SMOX: variants seen among roughly 807,000 people sequenced by gnomAD.
SMOX encodes the protein spermine oxidase.
SMOX carries 22 observed loss-of-function variants against 51.0 expected under a neutral mutation model. The observed-to-expected ratio is 0.43, with a 90% CI of 0.31 to 0.62. The LOEUF is 0.62. Ranked by LOEUF, SMOX falls within the 20% of genes least tolerant of loss-of-function variation. SMOX has a pLI of 0.10. For synonymous variants in SMOX, 282 were observed against 307.8 expected, an observed-to-expected ratio of 0.92 and a Z score of 0.88; for missense variants, 566 against 777.7, an observed-to-expected ratio of 0.73 and a Z score of 3.24.
At position 4,182,586 on chromosome 20, in the gene SMOX, T is replaced by G. The variant is rs1317081399; in HGVS notation, c.1107T>G (p.Phe369Leu). ...GCATTGGCACCACCGACAAGATCTTTCTGGAATTCGAGGAGCCCTTCTGGG... is the reference window on the plus strand; with the variant it reads ...GCATTGGCACCACCGACAAGATCTTGCTGGAATTCGAGGAGCCCTTCTGGG... ...RLGIGTTDKI[F>L]LEFEEPFWGP... Residue 369 changes from phenylalanine to leucine, a missense_variant, in exon 5 of 7, where the codon TTT becomes TTG. Phe to Leu is a conservative substitution (Grantham distance 22, BLOSUM62 0). Around this residue, in one of 3 missense-constraint regions of SMOX, gnomAD observed 347 missense variants for 481.8 expected, o/e 0.72. Transcript: ENST00000305958. This position sits in a 1 kb window ranked among gnomAD's most constrained non-coding sequence, Gnocchi z 8.4. The G allele has an allele frequency of 6.2e-6, 10 of 1,613,776 alleles. No homozygotes were observed. The Admixed American group carries it at 1.7e-4, about 27-fold the overall frequency.
chr20:4,178,644 A>T (rs973078808), intron 3 of SMOX, among the ~76,000 whole-genome samples: 1 of 151,690 alleles, frequency 6.6e-6, no homozygotes, highest in African/African-American at 2.4e-5. Flanking sequence ...TAATTTGGCC[A>T]GCAAACACCT....
chr20:4,150,269 A>G (rs1277469393), intron 1 of SMOX, among the ~76,000 whole-genome samples: 1 of 152,126 alleles, frequency 6.6e-6, no homozygotes, highest in African/African-American at 2.4e-5. Context: ...CCTTCAGAGC[A>G]CAGCTCTTCC....
intron 1 of SMOX, among the ~76,000 whole-genome samples, chr20:4,152,180 G>T (rs1331131831): frequency 6.6e-6 from 1 of 152,150 alleles, no homozygotes. Flanking sequence ...TGGGGTAAAT[G>T]ATTTCCTTTG....
intron 1 of SMOX, among the ~76,000 whole-genome samples, chr20:4,165,875 G>A (rs1310457684): frequency 6.6e-6 from 1 of 152,210 alleles, no homozygotes; most frequent in East Asian, 1.9e-4. Flanking sequence ...GGGGCATGGA[G>A]CTTGCCTACC....
Position 4,181,478 on chromosome 20 carries a change from G to T in SMOX, c.436-325G>T, listed in dbSNP as rs1232197042. ...CCAGTGGGAGGTGGAGCCCATGGAG[G>T]CCCATGCAGAGTCCATGAGGGGTGG... is the stretch of plus-strand genomic sequence containing the variant. On this transcript the variant is annotated intron_variant, in intron 3 of 6. Coordinates refer to ENST00000305958, the MANE Select transcript of SMOX (RefSeq NM_175839.3). This position sits in a 1 kb window ranked among gnomAD's most constrained non-coding sequence, Gnocchi z 5.6. Among the ~76,000 whole-genome samples the T allele has an allele frequency of 1.3e-5, 2 of 152,218 alleles. No homozygotes were observed. Among genetic ancestry groups the T allele is most frequent in the Non-Finnish European group, 2.9e-5 (2 of 68,028 alleles).
At chr20:4,186,689 C>A in intron 6 of SMOX, 1 of 773,926 alleles carries the variant, frequency 1.3e-6, no homozygotes. Flanking sequence ...ACACCCATTC[C>A]ATCACATATG....
Position 4,187,531 on chromosome 20 carries a change from C to A in SMOX, c.*124C>A, listed in dbSNP as rs1979838202. 2 of 1,404,030 alleles carry A rather than the reference C, an allele frequency of 1.4e-6. No individual in the cohort carries two copies. Among genetic ancestry groups the A allele is most frequent in the South Asian group, 2.8e-5 (2 of 72,440 alleles). The allele number at this position is 1,404,030 out of a possible 1,614,324, so 87.0% of individuals were successfully genotyped here. The stretch of plus-strand genomic sequence containing the variant: ...TTTTTATCTTCTGTAGAGCTAGCCG[C>A]CCTGACTGCCTTCAGACCTGGCCCT... On this transcript the variant is annotated 3_prime_UTR_variant, in exon 7 of 7. Transcript: ENST00000305958. This position sits in a 1 kb window ranked among gnomAD's most constrained non-coding sequence, Gnocchi z 4.8.
Position 4,182,451 on chromosome 20 carries a change from G to A in SMOX, c.972G>A (p.Pro324=), listed in dbSNP as rs1979408904. The stretch of plus-strand genomic sequence containing the variant: ...AGTGCGAGGACTGTGAGCTGATCCC[G>A]GCGGACCATGTGATTGTGACCGTGT... The part of the protein sequence containing the change: ...VVECEDCELI[P]ADHVIVTVSL... Residue 324 remains proline (P), a synonymous_variant, in exon 5 of 7, where the codon CCG becomes CCA. Transcript: ENST00000305958. This position sits in a 1 kb window ranked among gnomAD's most constrained non-coding sequence, Gnocchi z 8.4. 5.6e-6 allele frequency: 9 copies of A among 1,600,186 alleles called. No homozygotes were observed. Among genetic ancestry groups the A allele is most frequent in the South Asian group, 1.1e-5 (1 of 88,136 alleles).
chr20:4,173,180 T>A (rs1050415283), intron 1 of SMOX, among the ~76,000 whole-genome samples: 1 of 152,146 alleles, frequency 6.6e-6, no homozygotes, highest in African/African-American at 2.4e-5. Context: ...CCCTTCAGAT[T>A]AAGATATTTA....
At chr20:4,159,056 T>C (rs1017784427) in intron 1 of SMOX, among the ~76,000 whole-genome samples, 52 of 151,956 alleles carry the variant, frequency 3.4e-4, no homozygotes, top group African/African-American at 1.2e-3. Flanking sequence ...ACCTTGAGAG[T>C]TAATCTGAAA....
At chr20:4,152,333 G>A (rs1985803359) in intron 1 of SMOX, among the ~76,000 whole-genome samples, 1 of 152,102 alleles carries the variant, frequency 6.6e-6, no homozygotes, top group African/African-American at 2.4e-5. Context: ...GTGACTGCTG[G>A]GTACCCAGCC....
rs147947595 is a variant in SMOX at position 4,181,941 on chromosome 20, C to T, written c.574C>T (p.Arg192Cys). ...CCCTGACGACCCAGAGGCTACCAAG[C>T]GCCTGAAGCTCGCCATGATCCAGCA... ...NDPDDPEATK[R>C]LKLAMIQQYL... is the part of the protein sequence containing the mutation. The change falls in exon 4 of 7, where the codon CGC becomes TGC. Residue 192 changes from arginine to cysteine, a missense_variant. Arg to Cys is a radical substitution (Grantham distance 180). This residue lies in a region of SMOX where 217 missense variants were observed against 278.4 expected (regional missense o/e 0.78). Transcript: ENST00000305958. This position sits in a 1 kb window ranked among gnomAD's most constrained non-coding sequence, Gnocchi z 5.6. The T allele has an allele frequency of 3.1e-6, 5 of 1,613,956 alleles. No homozygotes were observed. Among genetic ancestry groups the T allele is most frequent in the South Asian group, 1.1e-5 (1 of 91,078 alleles).
At chr20:4,154,020 T>A (rs1336747576) in intron 1 of SMOX, among the ~76,000 whole-genome samples, 1 of 152,158 alleles carries the variant, frequency 6.6e-6, no homozygotes, top group Non-Finnish European at 1.5e-5. Context: ...TGTGATATAA[T>A]GAGGTCCTCC....
chr20:4,184,555 TC>T (rs1979594694), intron 6 of SMOX, among the ~76,000 whole-genome samples: 1 of 151,082 alleles, frequency 6.6e-6, no homozygotes, highest in Non-Finnish European at 1.5e-5. Flanking sequence ...ATTTTGAGTT[TC>T]CCCCATCAAG....
At chr20:4,164,624 G>T (rs1300632262) in intron 1 of SMOX, among the ~76,000 whole-genome samples, 3 of 152,232 alleles carry the variant, frequency 2.0e-5, no homozygotes. Flanking sequence ...CATGATTTGT[G>T]TGTGTGTGTG....
At chr20:4,158,107 A>G (rs368940268) in intron 1 of SMOX, among the ~76,000 whole-genome samples, 432 of 149,926 alleles carry the variant, frequency 2.9e-3, no homozygotes, top group Non-Finnish European at 3.5e-3. Context: ...TCACCTTGTT[A>G]GCCAGGATGG....
At chr20:4,174,928 C>G (rs1189284153) in intron 1 of SMOX, 102 bp from the exon 2 acceptor site, 7 of 1,227,932 alleles carry the variant, frequency 5.7e-6, no homozygotes, top group Non-Finnish European at 7.0e-6. Context: ...GTCCCCCCAC[C>G]CACAACAGAG....
rs531401405 is a variant in SMOX, at chr20:4,170,692, G to T, written c.-26-4338G>T. 6.6e-6 allele frequency among the ~76,000 whole-genome samples: 1 copy of T among 152,146 alleles called. No homozygotes were observed. The highest frequency in any genetic ancestry group is 2.4e-5 in the African/African-American group (1 of 41,428). ...CTCTGAGTCTTTATTCTATTCATCCGTCTTTGGCAACCCTGCCACAGGACG... is the reference window on the plus strand; with the variant it reads ...CTCTGAGTCTTTATTCTATTCATCCTTCTTTGGCAACCCTGCCACAGGACG... On this transcript the variant is annotated intron_variant, in intron 1 of 6. Coordinates refer to ENST00000305958, the MANE Select transcript of SMOX (RefSeq NM_175839.3). This position sits in a 1 kb window ranked among gnomAD's most constrained non-coding sequence, Gnocchi z 4.6.
Position 4,187,255 on chromosome 20 carries a change from A to G in SMOX, c.1531-15A>G, listed in dbSNP as rs1417018260. 3 of 1,607,208 alleles carry G rather than the reference A, an allele frequency of 1.9e-6. No homozygotes were observed. The African/African-American group carries it at 4.0e-5, about 21-fold the overall frequency. Reference sequence around the variant, plus strand: ...GCTGCTCCTCCACCCTGACCTCCCCATCCCCGCCCCGCAGCCCATGCAGGT... The same window carrying G: ...GCTGCTCCTCCACCCTGACCTCCCCGTCCCCGCCCCGCAGCCCATGCAGGT... On this transcript the variant is annotated splice_polypyrimidine_tract_variant and intron_variant, in intron 6 of 6. Transcript: ENST00000305958. The surrounding 1 kb of genome is among the most constrained non-coding windows in gnomAD (Gnocchi z 4.8).
Sources: allele counts gnomAD v4.1 joint callset (sites outside exome capture counted in the v4.1 genomes callset), GRCh38; gene constraint gnomAD v4.1.1; regional missense constraint gnomAD v4.1.1; non-coding constraint Gnocchi (gnomAD v3.1); transcripts MANE v1.5; gene names NCBI Gene and HGNC (gene_info 2026-07-23, HGNC 2026-07-21).